MDGA2: variants seen among roughly 807,000 people sequenced by gnomAD.
MDGA2 encodes MAM domain-containing glycosylphosphatidylinositol anchor protein 2.
Under a neutral mutation model 117.8 loss-of-function variants are expected in MDGA2, and 40 were observed. That is an observed-to-expected ratio of 0.34 (90% CI 0.26 to 0.44). The LOEUF is 0.44. Ranked by LOEUF, MDGA2 falls within the 20% of genes least tolerant of loss-of-function variation. The pLI is 1.00. For missense variants in MDGA2, 1,123 were observed against 1,250.6 expected, an observed-to-expected ratio of 0.90 and a Z score of 1.54; for synonymous variants, 452 against 439.0, an observed-to-expected ratio of 1.03 and a Z score of -0.37.
chr14:47,357,248 C>T (rs969984201), intron 1 of MDGA2, among the ~76,000 whole-genome samples: 1 of 152,214 alleles, frequency 6.6e-6, no homozygotes, highest in Non-Finnish European at 1.5e-5. Context: ...CCCAAAAGGA[C>T]TATTGGACTA....
intron 3 of MDGA2, among the ~76,000 whole-genome samples, chr14:47,163,237 C>T (rs554398796): frequency 1.3e-5 from 2 of 152,316 alleles, no homozygotes; most frequent in East Asian, 3.9e-4. Flanking sequence ...TCCCTGCCTT[C>T]TTTGTTGCTA....
chr14:47,638,559 G>T (rs1039584314), intron 1 of MDGA2, among the ~76,000 whole-genome samples: 1 of 152,006 alleles, frequency 6.6e-6, no homozygotes, highest in South Asian at 2.1e-4. Flanking sequence ...CCATTACTCC[G>T]ACTAAAATTC....
chr14:47,459,198 G>A (rs1893428458), intron 1 of MDGA2, among the ~76,000 whole-genome samples: 1 of 151,748 alleles, frequency 6.6e-6, no homozygotes, highest in East Asian at 1.9e-4. Context: ...ACTTACTGAT[G>A]ATGGGTGAAA....
intron 3 of MDGA2, among the ~76,000 whole-genome samples, chr14:47,177,670 G>A (rs1291915342): frequency 6.6e-6 from 1 of 152,160 alleles, no homozygotes; most frequent in Non-Finnish European, 1.5e-5. Context: ...GCAGTGGGGA[G>A]GGATAGCAGT....
intron 1 of MDGA2, among the ~76,000 whole-genome samples, chr14:47,352,739 C>T (rs1239317968): frequency 6.6e-6 from 1 of 152,182 alleles, no homozygotes; most frequent in African/African-American, 2.4e-5. Context: ...ATTTCAATAT[C>T]TCCCATTTTG....
chr14:46,903,068 G>T (rs1005712607), intron 10 of MDGA2, among the ~76,000 whole-genome samples: 1 of 152,182 alleles, frequency 6.6e-6, no homozygotes, highest in South Asian at 2.1e-4. Context: ...CCTGTGCTGT[G>T]GCCTGTTATT....
At chr14:47,622,182 T>C (rs1237984794) in intron 1 of MDGA2, among the ~76,000 whole-genome samples, 1 of 152,116 alleles carries the variant, frequency 6.6e-6, no homozygotes, top group Non-Finnish European at 1.5e-5. Flanking sequence ...AAGTCAAAGT[T>C]AAAGGTAACG....
chr14:47,420,136 G>A (rs1443097756), intron 1 of MDGA2, among the ~76,000 whole-genome samples: 1 of 152,018 alleles, frequency 6.6e-6, no homozygotes, highest in Non-Finnish European at 1.5e-5. Flanking sequence ...CAATGCATAT[G>A]GTAGCTTAAT....
intron 7 of MDGA2, among the ~76,000 whole-genome samples, chr14:47,054,841 C>A (rs962129228): frequency 2.0e-5 from 3 of 151,646 alleles, no homozygotes; most frequent in Admixed American, 1.3e-4. Context: ...ACACCTTATA[C>A]AAAAATTAAT....
chr14:46,873,326 T>A lies in MDGA2; in HGVS notation c.2752+107A>T. 4.1e-6 allele frequency: 4 copies of A among 979,206 alleles called. No homozygotes were observed. In the South Asian group the frequency reaches 1.0e-4, roughly 25 times the overall value. The allele number at this position is 979,206 out of a possible 1,614,324, so 60.7% of individuals were successfully genotyped here. ...GCAGATAAATCATTTAAAAAGTGAATTATAGCATTCTTTGACCAAAAATTG... is the reference window on the plus strand; with the variant it reads ...GCAGATAAATCATTTAAAAAGTGAAATATAGCATTCTTTGACCAAAAATTG... On this transcript the variant is annotated intron_variant, in intron 14 of 16. Transcript: ENST00000399232.
Position 46,957,590 on chromosome 14 carries a change from T to C in MDGA2, c.1873A>G (p.Ser625Gly), listed in dbSNP as rs769017456. 21 of 1,614,046 alleles carry C rather than the reference T, an allele frequency of 1.3e-5. No homozygotes were observed. The highest frequency in any genetic ancestry group is 1.0e-5 in the Non-Finnish European group (12 of 1,180,016). ...AGTACTCTGCAACTCATAGTGACAC[T>C]TCGATCCTGTCCTTGCCGGATTTCC... Reference protein sequence around the residue: ...FLEIRQGQDRSVTMSCRVLRA... With the variant: ...FLEIRQGQDRGVTMSCRVLRA... Residue 625 changes from serine (S) to glycine (G), a missense_variant, in exon 9 of 17, where the codon AGT (serine) becomes GGT (glycine). By Grantham distance (56) the Ser-to-Gly change is moderately conservative. Around this residue, in one of 2 missense-constraint regions of MDGA2, gnomAD observed 890 missense variants for 1,050.3 expected, o/e 0.85. Coordinates refer to ENST00000399232, the MANE Select transcript of MDGA2 (RefSeq NM_001113498.3).
intron 1 of MDGA2, among the ~76,000 whole-genome samples, chr14:47,434,087 A>T (rs1346566299): frequency 1.3e-5 from 2 of 152,116 alleles, no homozygotes; most frequent in Non-Finnish European, 2.9e-5. Context: ...GCAAAAAAAT[A>T]AGACTTTTGG....
At chr14:46,996,238 T>A (rs959805403) in intron 8 of MDGA2, among the ~76,000 whole-genome samples, 1 of 152,202 alleles carries the variant, frequency 6.6e-6, no homozygotes, top group African/African-American at 2.4e-5. Flanking sequence ...TTGAATTATC[T>A]TTCTAAATCT....
In MDGA2 at chr14:47,203,629, GCA is replaced by G. The variant is rs1885584888; in HGVS notation, c.595+14390_595+14391del. Among the ~76,000 whole-genome samples, 5 of 152,010 alleles carry G rather than the reference GCA, an allele frequency of 3.3e-5. No individual in the cohort carries two copies. The South Asian group carries it at 1.0e-3, about 32-fold the overall frequency. ...CTTTATGATTGGCCCAAGCAAGATT[GCA>G]CAGTGACAGAGAAAGAGAAGTAGAA... On this transcript the variant is annotated intron_variant, in intron 3 of 16. Coordinates refer to ENST00000399232, the MANE Select transcript of MDGA2 (RefSeq NM_001113498.3).
At chr14:47,178,403 T>C (rs1884563646) in intron 3 of MDGA2, among the ~76,000 whole-genome samples, 1 of 152,170 alleles carries the variant, frequency 6.6e-6, no homozygotes, top group Admixed American at 6.6e-5. Flanking sequence ...AAGCTGGGAC[T>C]ATGCCTGGTA....
chr14:47,197,770 A>C (rs537018919), intron 3 of MDGA2, among the ~76,000 whole-genome samples: 6 of 152,040 alleles, frequency 3.9e-5, no homozygotes, highest in Non-Finnish European at 8.8e-5. Flanking sequence ...TTAGCTGGGC[A>C]TGGTGGTGTG....
chr14:47,276,910 T>C (rs1358125098), intron 2 of MDGA2, among the ~76,000 whole-genome samples: 2 of 152,204 alleles, frequency 1.3e-5, no homozygotes, highest in Non-Finnish European at 2.9e-5. Context: ...CTTACAAATA[T>C]ATATTTAGCA....
At chr14:47,662,558 G>T (rs1389603428) in intron 1 of MDGA2, among the ~76,000 whole-genome samples, 2 of 152,082 alleles carry the variant, frequency 1.3e-5, no homozygotes, top group African/African-American at 4.8e-5. Context: ...AACACTGTTT[G>T]AAATATGAAT....
intron 1 of MDGA2, among the ~76,000 whole-genome samples, chr14:47,585,285 A>G (rs1419499651): frequency 1.3e-5 from 2 of 151,832 alleles, no homozygotes; most frequent in Non-Finnish European, 2.9e-5. Flanking sequence ...ATGTTGGTTC[A>G]CCCAATAGCT....
Sources: gnomAD v4.1 joint callset for allele counts (sites outside exome capture counted in the v4.1 genomes callset) on GRCh38, gnomAD v4.1.1 for gene constraint, gnomAD v4.1.1 regional missense constraint, MANE v1.5 for transcripts, NCBI Gene and HGNC (gene_info 2026-07-23, HGNC 2026-07-21) for gene names.